HMG20A: variants seen among roughly 807,000 people sequenced by gnomAD.
HMG20A encodes high mobility group 20A.
A neutral mutation model predicts 43.9 loss-of-function variants in HMG20A; 17 were observed. The observed-to-expected ratio is 0.39, with a 90% CI of 0.27 to 0.58. HMG20A has a LOEUF of 0.58. HMG20A is among the 20% of genes least tolerant of loss of function. HMG20A has a pLI of 0.59. For synonymous variants in HMG20A, 132 were observed against 147.5 expected, an observed-to-expected ratio of 0.89 and a Z score of 0.76; for missense variants, 341 against 438.2, an observed-to-expected ratio of 0.78 and a Z score of 1.98.
chr15:77,466,990 C>G, intron 3 of HMG20A, 105 bp from the exon 4 acceptor site: 5 of 949,094 alleles, frequency 5.3e-6, no homozygotes, highest in Non-Finnish European at 1.6e-6. Context: ...AATTGCAACT[C>G]TTAATCCTGT....
intron 6 of HMG20A, among the ~76,000 whole-genome samples, chr15:77,475,407 T>A (rs1431177418): frequency 6.6e-6 from 1 of 152,234 alleles, no homozygotes; most frequent in Non-Finnish European, 1.5e-5. Context: ...TCCTCTGCCC[T>A]TACATAATTA....
At chr15:77,508,719 G>T in the HMG20A span, among the ~76,000 whole-genome samples, 19 of 152,362 alleles carry the variant, frequency 1.2e-4, no homozygotes, top group African/African-American at 4.6e-4. Flanking sequence ...CAGCAAAGCA[G>T]GGCACGCCCC....
chr15:77,483,230 T>C lies in HMG20A; in HGVS notation c.*267T>C, dbSNP rs1175190399. On this transcript the variant is annotated 3_prime_UTR_variant, in exon 10 of 10. Transcript: ENST00000336216. ...CTCCCGGGTCTTCAGGTTCCTACCA[T>C]TTCCATTTCTGTTAAAGTGGATCTG... 1 of 152,228 alleles carries C rather than the reference T, an allele frequency of 6.6e-6. No homozygotes were observed. Among genetic ancestry groups the C allele is most frequent in the Non-Finnish European group, 1.5e-5 (1 of 68,044 alleles). 9.4% of individuals were successfully genotyped at this position (152,228 alleles called of 1,614,324 possible).
chr15:77,457,013 C>A (rs1222153367), intron 1 of HMG20A, among the ~76,000 whole-genome samples: 2 of 152,218 alleles, frequency 1.3e-5, no homozygotes, highest in Non-Finnish European at 2.9e-5. Flanking sequence ...TGAGAAGTTC[C>A]TCTCTACCTT....
the HMG20A span, among the ~76,000 whole-genome samples, chr15:77,511,891 G>A: frequency 6.6e-6 from 1 of 152,190 alleles, no homozygotes; most frequent in Admixed American, 6.5e-5. Flanking sequence ...ATATGATCCA[G>A]CAAGTCCACT....
chr15:77,429,267 G>A (rs953274006), intron 1 of HMG20A, among the ~76,000 whole-genome samples: 8 of 151,906 alleles, frequency 5.3e-5, no homozygotes, highest in African/African-American at 1.5e-4. Flanking sequence ...TCCCAGGCTG[G>A]AGTGCAGTGG....
rs2072934021 is a variant in HMG20A at position 77,484,812 on chromosome 15, A to G, written c.*1849A>G. 6.6e-6 allele frequency: 1 copy of G among 152,228 alleles called. No homozygotes were observed. The highest frequency in any genetic ancestry group is 6.5e-5 in the Admixed American group (1 of 15,288). 9.4% of individuals were successfully genotyped at this position (152,228 alleles called of 1,614,324 possible). A position where few individuals can be genotyped will look rare whatever the true frequency, so the allele number is the denominator to read the frequency against. On this transcript the variant is annotated 3_prime_UTR_variant, in exon 10 of 10. Transcript: ENST00000336216. ...ACTCCTTGTCTGCAAAGCCCAAGCT[A>G]GAACTCACTGTCTATGGCAGAAGGA...
chr15:77,436,538 A>C (rs1379553385), intron 1 of HMG20A, among the ~76,000 whole-genome samples: 1 of 151,604 alleles, frequency 6.6e-6, no homozygotes, highest in Non-Finnish European at 1.5e-5. Flanking sequence ...GGCTCATTGA[A>C]TCCTCTGCCT....
At chr15:77,458,367 A>T (rs1462218782) in intron 1 of HMG20A, 37 bp from the exon 2 acceptor site, 1 of 1,339,438 alleles carries the variant, frequency 7.5e-7, no homozygotes, top group Non-Finnish European at 1.1e-6. Flanking sequence ...GGAAGTAATT[A>T]AGCCATTAAT....
At chr15:77,497,694 T>C in the HMG20A span, among the ~76,000 whole-genome samples, 2 of 146,416 alleles carry the variant, frequency 1.4e-5, no homozygotes, top group African/African-American at 5.5e-5. Flanking sequence ...TGTGTGTGTG[T>C]GTGTGTGTGT....
chr15:77,474,586 G>A (rs1277405978), intron 6 of HMG20A, among the ~76,000 whole-genome samples: 1 of 152,230 alleles, frequency 6.6e-6, no homozygotes, highest in South Asian at 2.1e-4. Flanking sequence ...TCAGCAAAAT[G>A]TGTTGCCAGT....
chr15:77,517,029 C>T, the HMG20A span, among the ~76,000 whole-genome samples: 8 of 152,172 alleles, frequency 5.3e-5, no homozygotes, highest in Non-Finnish European at 7.4e-5. Context: ...CCTGCTCGAG[C>T]CAGTCTTGGC....
chr15:77,471,238 G>A (rs965487686), intron 5 of HMG20A, among the ~76,000 whole-genome samples, 196 bp downstream of exon 5: 3 of 151,804 alleles, frequency 2.0e-5, no homozygotes, highest in African/African-American at 7.3e-5. Context: ...CTGGGTTTCC[G>A]TGTCTATTAT....
chr15:77,453,542 G>A lies in HMG20A; in HGVS notation c.-4-4862G>A, dbSNP rs76655125. 2.5e-3 allele frequency among the ~76,000 whole-genome samples: 386 copies of A among 152,246 alleles called. 6 individuals are homozygous for A. The East Asian group carries it at 0.041, about 16-fold the overall frequency. ...TTTTCTCAAAATATTAAACATGGTGGTACCAGATGTTCCAGCAGCTCCACT... is the reference window on the plus strand; with the variant it reads ...TTTTCTCAAAATATTAAACATGGTGATACCAGATGTTCCAGCAGCTCCACT... On this transcript the variant is annotated intron_variant, in intron 1 of 9. Transcript: ENST00000336216.
At chr15:77,453,584 A>G (rs935700180) in intron 1 of HMG20A, among the ~76,000 whole-genome samples, 10 of 152,214 alleles carry the variant, frequency 6.6e-5, no homozygotes, top group Admixed American at 2.0e-4. Flanking sequence ...TATATGCCCA[A>G]GAGAACTGAA....
At chr15:77,425,329 C>A (rs2073415732) in intron 1 of HMG20A, among the ~76,000 whole-genome samples, 1 of 152,184 alleles carries the variant, frequency 6.6e-6, no homozygotes, top group African/African-American at 2.4e-5. Flanking sequence ...CCATTCACAT[C>A]ATAGGTATTC....
chr15:77,479,423 G>C, intron 9 of HMG20A, 102 bp downstream of exon 9: 1 of 1,075,868 alleles, frequency 9.3e-7, no homozygotes, highest in South Asian at 1.5e-5. Context: ...TACATTGGAT[G>C]AACAAGTTGG....
the HMG20A span, among the ~76,000 whole-genome samples, chr15:77,494,368 C>G: frequency 6.6e-6 from 1 of 152,158 alleles, no homozygotes; most frequent in Non-Finnish European, 1.5e-5. Context: ...TAGGCTCAAG[C>G]AATCCACCTA....
At chr15:77,512,635 A>T in the HMG20A span, among the ~76,000 whole-genome samples, 1 of 152,210 alleles carries the variant, frequency 6.6e-6, no homozygotes, top group African/African-American at 2.4e-5. Flanking sequence ...GGGATAATGG[A>T]ATTAGGAAAT....
Sources: allele counts gnomAD v4.1 joint callset (sites outside exome capture counted in the v4.1 genomes callset), GRCh38; gene constraint gnomAD v4.1.1; transcripts MANE v1.5; gene names NCBI Gene and HGNC (gene_info 2026-07-23, HGNC 2026-07-21).